The following PALMD variants were observed in gnomAD, a reference collection of about 807,000 sequenced individuals.
PALMD encodes palmdelphin, also known as paralemmin-like protein.
A neutral mutation model predicts 56.2 loss-of-function variants in PALMD; 42 were observed. The observed-to-expected ratio is 0.75, with a 90% confidence interval of 0.58 to 0.97. The LOEUF (loss-of-function observed/expected upper bound fraction) is 0.97. PALMD is among the 50% of genes least tolerant of loss of function. The pLI is 0.00. For synonymous variants in PALMD, 242 were observed against 222.9 expected (o/e 1.09, Z -0.76); for missense variants, 660 against 643.8 (o/e 1.03, Z -0.27).
At chr1:99,687,281 C>T in intron 6 of PALMD, 92 bp downstream of exon 6, 1 of 1,374,162 alleles carries the variant, frequency 7.3e-7, no homozygotes, top group African/African-American at 1.5e-5. Flanking sequence ...ATTATTCTTC[C>T]AGGTTAAGCA....
chr1:99,680,823 T>A (rs1332063455), intron 3 of PALMD, among the ~76,000 whole-genome samples: 1 of 151,884 alleles, frequency 6.6e-6, no homozygotes, highest in African/African-American at 2.4e-5. Context: ...CATGCATACA[T>A]GTATGTGTAT....
intron 3 of PALMD, 130 bp downstream of exon 3, chr1:99,667,896 T>A (rs75755986): frequency 1.3e-5 from 11 of 816,482 alleles, no homozygotes; most frequent in Non-Finnish European, 1.9e-5. Flanking sequence ...TTTTTTTTTT[T>A]AAGGCACGCT....
rs1226790564 is a variant in PALMD at position 99,652,694 on chromosome 1, G to GGAAAAGAAAAGAAAAGAAAA, written c.45+6362_45+6381dup. Among the ~76,000 whole-genome samples, 808 of 86,358 alleles carry GGAAAAGAAAAGAAAAGAAAA rather than the reference G, an allele frequency of 9.4e-3. 10 individuals carry two copies. Among genetic ancestry groups the GGAAAAGAAAAGAAAAGAAAA allele is most frequent in the East Asian group, 0.018 (46 of 2,490 alleles). 56.7% of individuals were successfully genotyped at this position (86,358 alleles called of 152,430 possible). ...GGAAAGGAAAGGAAAGGAAAGGAAA[G>GGAAAAGAAAAGAAAAGAAAA]GAAAAGAAAAGAAAAGAAAAGAAAA... is the stretch of plus-strand genomic sequence containing the variant. On this transcript the variant is annotated intron_variant, in intron 1 of 7. Coordinates refer to ENST00000263174, the MANE Select transcript of PALMD (RefSeq NM_017734.5).
At chr1:99,684,605 C>T (rs1053337373) in intron 3 of PALMD, 1 of 152,286 alleles carries the variant, frequency 6.6e-6, no homozygotes, top group African/African-American at 2.4e-5. Context: ...TCACTGCAAG[C>T]TCGACCACTC....
At chr1:99,685,024 C>T (rs1356284488) in intron 3 of PALMD, 1 of 152,142 alleles carries the variant, frequency 6.6e-6, no homozygotes, top group East Asian at 1.9e-4. Context: ...TAGGTAAGCA[C>T]CCTGTGGGAC....
intron 1 of PALMD, among the ~76,000 whole-genome samples, chr1:99,658,173 G>A (rs967421128): frequency 1.3e-5 from 2 of 151,410 alleles, no homozygotes; most frequent in African/African-American, 4.9e-5. Flanking sequence ...GCATGGTGGG[G>A]CATGCCTGTA....
intron 1 of PALMD, among the ~76,000 whole-genome samples, chr1:99,656,608 T>A (rs919759986): frequency 1.3e-5 from 2 of 152,188 alleles, no homozygotes; most frequent in South Asian, 4.1e-4. Context: ...TTCAATTGGT[T>A]TAGAAAAAAC....
intron 1 of PALMD, among the ~76,000 whole-genome samples, chr1:99,653,454 G>C (rs560107798): frequency 6.6e-6 from 1 of 152,310 alleles, no homozygotes; most frequent in South Asian, 2.1e-4. Flanking sequence ...TTAGAGGTCT[G>C]TTAGAATGTG....
chr1:99,669,055 T>G (rs1309379646), intron 3 of PALMD: 1 of 152,228 alleles, frequency 6.6e-6, no homozygotes, highest in East Asian at 1.9e-4. Flanking sequence ...AAGTATTTGG[T>G]ATCTGTGCTA....
chr1:99,656,524 T>C (rs1652728206), intron 1 of PALMD, among the ~76,000 whole-genome samples: 1 of 152,214 alleles, frequency 6.6e-6, no homozygotes, highest in Non-Finnish European at 1.5e-5. Flanking sequence ...TATCAGCTTC[T>C]AGAAAAATGA....
At position 99,667,662 on chromosome 1, in the gene PALMD, A is replaced by G. The variant is rs1395429552; in HGVS notation, c.147A>G (p.Lys49=). 5 of 1,612,266 alleles carry G rather than the reference A, an allele frequency of 3.1e-6. No homozygotes were observed. The Admixed American group carries it at 6.7e-5, about 22-fold the overall frequency. Residue 49 remains lysine (K), a synonymous_variant, in exon 3 of 8, where the codon AAA becomes AAG. Transcript: ENST00000263174. ...QHLKKKALRE[K]WLLDGISSGK... ...ATCAGAAAAAGGCCTTGAGGGAGAAATGGCTTCTAGATGGAATCAGCAGCG... is the reference window on the plus strand; with the variant it reads ...ATCAGAAAAAGGCCTTGAGGGAGAAGTGGCTTCTAGATGGAATCAGCAGCG...
intron 3 of PALMD, among the ~76,000 whole-genome samples, chr1:99,679,063 A>G (rs1451933165): frequency 6.6e-6 from 1 of 152,062 alleles, no homozygotes; most frequent in African/African-American, 2.4e-5. Flanking sequence ...GAGGCACATC[A>G]GTAGTGGCAT....
rs79555559 is a variant in PALMD, at chr1:99,675,852, G to T, written c.251+8086G>T. ...TTCTACTAAATCACTCTCTTCTAAC[G>T]TTGCATGCCTACACGGCAGTTTCAA... On this transcript the variant is annotated intron_variant, in intron 3 of 7. Transcript: ENST00000263174. Among the ~76,000 whole-genome samples, 4 of 152,080 alleles carry T rather than the reference G, an allele frequency of 2.6e-5. No homozygotes were observed. The South Asian group carries it at 8.3e-4, about 32-fold the overall frequency.
At chr1:99,660,754 T>A (rs1422493314) in intron 1 of PALMD, among the ~76,000 whole-genome samples, 1 of 152,148 alleles carries the variant, frequency 6.6e-6, no homozygotes. Context: ...GGCATGGTAG[T>A]ATGCGCCTGT....
intron 3 of PALMD, among the ~76,000 whole-genome samples, chr1:99,677,776 G>T (rs1653246599): frequency 6.6e-6 from 1 of 152,140 alleles, no homozygotes; most frequent in Admixed American, 6.6e-5. Flanking sequence ...AGAACAAAAG[G>T]AGAATGGACT....
intron 1 of PALMD, among the ~76,000 whole-genome samples, chr1:99,660,127 G>A (rs1652814937): frequency 6.6e-6 from 1 of 152,210 alleles, no homozygotes; most frequent in African/African-American, 2.4e-5. Flanking sequence ...CAGCATCTAG[G>A]GAGCTAAAAA....
chr1:99,690,600 T>G (rs1477852202), intron 7 of PALMD, among the ~76,000 whole-genome samples: 1 of 152,150 alleles, frequency 6.6e-6, no homozygotes, highest in African/African-American at 2.4e-5. Flanking sequence ...TCTACAAAAG[T>G]GATAGCTTCT....
intron 3 of PALMD, among the ~76,000 whole-genome samples, chr1:99,681,228 A>T (rs1557673173): frequency 1.3e-5 from 2 of 151,856 alleles, no homozygotes; most frequent in East Asian, 3.9e-4. Flanking sequence ...CAACAAAATA[A>T]CCCTAAGGAA....
At chr1:99,650,731 G>A (rs1652562952) in intron 1 of PALMD, among the ~76,000 whole-genome samples, 1 of 152,168 alleles carries the variant, frequency 6.6e-6, no homozygotes, top group Non-Finnish European at 1.5e-5. Flanking sequence ...TGATCTAAGT[G>A]CTAGGCCCTT....
Sources: gnomAD v4.1 joint callset for allele counts (sites outside exome capture counted in the v4.1 genomes callset) on GRCh38, gnomAD v4.1.1 for gene constraint, MANE v1.5 for transcripts, NCBI Gene and HGNC (gene_info 2026-07-23, HGNC 2026-07-21) for gene names.